Variants in KATNIP observed in about 807,000 individuals in gnomAD.
KATNIP encodes katanin-interacting protein.
KATNIP carries 126 observed loss-of-function variants against 174.0 expected under a neutral mutation model. The observed-to-expected ratio is 0.72, with a 90% CI of 0.63 to 0.84. The LOEUF is 0.84. Ranked by LOEUF, KATNIP falls within the 40% of genes least tolerant of loss-of-function variation. The pLI is 0.00. For synonymous variants in KATNIP, 810 were observed against 835.7 expected (o/e 0.97, Z 0.53); for missense variants, 1,958 against 2,109.7 (o/e 0.93, Z 1.41).
chr16:27,584,807 A>G (rs1043077428), intron 2 of KATNIP, among the ~76,000 whole-genome samples: 1 of 152,032 alleles, frequency 6.6e-6, no homozygotes, highest in African/African-American at 2.4e-5. Context: ...AAAAAAAATC[A>G]TGTTGACATC....
chr16:27,632,824 C>T (rs1193273080), intron 5 of KATNIP, among the ~76,000 whole-genome samples: 1 of 151,894 alleles, frequency 6.6e-6, no homozygotes, highest in Non-Finnish European at 1.5e-5. Flanking sequence ...GATCTTGGCT[C>T]ACTGCAACCT....
chr16:27,652,278 T>A (rs1597066376), intron 6 of KATNIP, among the ~76,000 whole-genome samples: 1 of 152,024 alleles, frequency 6.6e-6, no homozygotes, highest in African/African-American at 2.4e-5. Flanking sequence ...CTTGATGAGG[T>A]GATACTTAAG....
At chr16:27,597,653 C>T (rs2075383252) in intron 2 of KATNIP, among the ~76,000 whole-genome samples, 1 of 152,042 alleles carries the variant, frequency 6.6e-6, no homozygotes, top group South Asian at 2.1e-4. Flanking sequence ...TCTTCTCAGG[C>T]ACCTGCGTGG....
At chr16:27,753,403 G>A (rs968886667) in intron 17 of KATNIP, among the ~76,000 whole-genome samples, 3 of 152,184 alleles carry the variant, frequency 2.0e-5, no homozygotes, top group Non-Finnish European at 4.4e-5. Context: ...TGACAAAGGT[G>A]CTCGTAAGGG....
chr16:27,746,274 G>T (rs574477597), intron 15 of KATNIP, among the ~76,000 whole-genome samples: 1 of 152,172 alleles, frequency 6.6e-6, no homozygotes, highest in Non-Finnish European at 1.5e-5. Context: ...TGTCTCCTTG[G>T]TGCGCTTGCA....
rs146464518 is a variant in KATNIP at position 27,730,068 on chromosome 16, C to T, written c.1743+8373C>T. Among the ~76,000 whole-genome samples, 121 of 152,328 alleles carry T rather than the reference C, an allele frequency of 7.9e-4. 2 individuals carry two copies. The highest frequency in any genetic ancestry group is 6.8e-3 in the Middle Eastern group (2 of 294). On this transcript the variant is annotated intron_variant, in intron 14 of 27. Coordinates refer to ENST00000261588, the MANE Select transcript of KATNIP (RefSeq NM_015202.5). Reference sequence around the variant, plus strand: ...AAGCTCATGCCCAGGCAGGGGAGGCCCAGGGGCCCTGCAGTGAAGGCGATG... The same window carrying T: ...AAGCTCATGCCCAGGCAGGGGAGGCTCAGGGGCCCTGCAGTGAAGGCGATG...
At chr16:27,647,722 C>T (rs1372541043) in intron 5 of KATNIP, among the ~76,000 whole-genome samples, 2 of 152,160 alleles carry the variant, frequency 1.3e-5, no homozygotes, top group African/African-American at 4.8e-5. Context: ...TCAGGCTGGT[C>T]TCGAACTCCT....
At chr16:27,610,583 G>C (rs192195051) in intron 2 of KATNIP, among the ~76,000 whole-genome samples, 1 of 152,248 alleles carries the variant, frequency 6.6e-6, no homozygotes, top group East Asian at 1.9e-4. Flanking sequence ...ACAGTGTGTG[G>C]TTGCTTGACT....
intron 14 of KATNIP, among the ~76,000 whole-genome samples, chr16:27,735,804 T>C (rs1165598079): frequency 1.3e-5 from 2 of 152,146 alleles, no homozygotes; most frequent in African/African-American, 4.8e-5. Flanking sequence ...GGGGTTAGTA[T>C]AGGTGAACAT....
At chr16:27,676,270 G>A (rs1056947577) in intron 6 of KATNIP, among the ~76,000 whole-genome samples, 1 of 152,194 alleles carries the variant, frequency 6.6e-6, no homozygotes, top group African/African-American at 2.4e-5. Flanking sequence ...ACACAATTCA[G>A]CTAAGATTCT....
intron 2 of KATNIP, among the ~76,000 whole-genome samples, chr16:27,583,879 T>A (rs969950939): frequency 3.3e-5 from 5 of 152,182 alleles, no homozygotes; most frequent in African/African-American, 1.2e-4. Flanking sequence ...CCTTCTTTGG[T>A]GGCAGGTCTG....
chr16:27,767,579 T>C (rs2082167124), intron 20 of KATNIP, among the ~76,000 whole-genome samples: 8 of 152,158 alleles, frequency 5.3e-5, no homozygotes, highest in Admixed American at 5.2e-4. Context: ...GCAGGCTTAG[T>C]GGCACACACC....
intron 14 of KATNIP, among the ~76,000 whole-genome samples, chr16:27,733,564 GACACACACACACACAC>G (rs10558929): frequency 0.019 from 2,694 of 143,374 alleles, 56 homozygotes; most frequent in East Asian, 0.096. Flanking sequence ...AAACAAGAAG[GACACACACACACACAC>G]ACACACACAC....
At chr16:27,736,128 G>C (rs1157177660) in intron 14 of KATNIP, among the ~76,000 whole-genome samples, 1 of 152,088 alleles carries the variant, frequency 6.6e-6, no homozygotes, top group Non-Finnish European at 1.5e-5. Flanking sequence ...TCAGCCTCCC[G>C]AGTAGCTGGG....
chr16:27,765,969 G>A lies in KATNIP; in HGVS notation c.3810-340G>A, dbSNP rs2082107019. ...CATATATTGAATACATTTTCCTTCT[G>A]GGGAAGAAAATCCCAGAAATGGGAT... is the stretch of plus-strand genomic sequence containing the variant. On this transcript the variant is annotated intron_variant, in intron 19 of 27. Coordinates refer to ENST00000261588, the MANE Select transcript of KATNIP (RefSeq NM_015202.5). 2.0e-5 allele frequency among the ~76,000 whole-genome samples: 3 copies of A among 151,826 alleles called. No homozygotes were observed. The South Asian group carries it at 6.2e-4, about 32-fold the overall frequency.
At chr16:27,766,138 G>A (rs977912187) in intron 19 of KATNIP, among the ~76,000 whole-genome samples, 171 bp from the exon 20 acceptor site, 6 of 150,492 alleles carry the variant, frequency 4.0e-5, no homozygotes, top group East Asian at 1.9e-4. Flanking sequence ...GATGAGAGAC[G>A]ACTTCTGACT....
In KATNIP at chr16:27,777,538, T is replaced by C; in HGVS notation, c.4552-72T>C. The C allele has an allele frequency of 7.0e-7, 1 of 1,436,462 alleles. No homozygotes were observed. The highest frequency in any genetic ancestry group is 9.4e-7 in the Non-Finnish European group (1 of 1,062,670). The allele number at this position is 1,436,462 out of a possible 1,614,324, so 89.0% of individuals were successfully genotyped here. A position where few individuals can be genotyped will look rare whatever the true frequency, so the allele number is the denominator to read the frequency against. On this transcript the variant is annotated intron_variant, in intron 25 of 27. Transcript: ENST00000261588. This position sits in a 1 kb window ranked among gnomAD's most constrained non-coding sequence, Gnocchi z 4.4. ...AGGAGAAAGCCTTGGCTCAGAGCAG[T>C]AACGCGTTCTGCCCAAGGTCAACGT... is the stretch of plus-strand genomic sequence containing the variant.
At chr16:27,584,988 A>G (rs540658502) in intron 2 of KATNIP, among the ~76,000 whole-genome samples, 10 of 152,276 alleles carry the variant, frequency 6.6e-5, no homozygotes, top group Non-Finnish European at 1.5e-4. Context: ...AAGTGGCAAG[A>G]ACATGCCACT....
intron 13 of KATNIP, among the ~76,000 whole-genome samples, chr16:27,709,747 C>T (rs991010227): frequency 2.6e-5 from 4 of 152,294 alleles, no homozygotes; most frequent in African/African-American, 9.6e-5. Context: ...TCTCCCTAAG[C>T]TGTTTCCCAG....
Sources: allele counts gnomAD v4.1 joint callset (sites outside exome capture counted in the v4.1 genomes callset), GRCh38; gene constraint gnomAD v4.1.1; non-coding constraint Gnocchi (gnomAD v3.1); transcripts MANE v1.5; gene names NCBI Gene and HGNC (gene_info 2026-07-23, HGNC 2026-07-21).